Variants in CNTNAP2 observed in about 807,000 individuals in gnomAD.
The protein encoded by CNTNAP2 is contactin associated protein 2.
In CNTNAP2, 98 loss-of-function variants were observed where a neutral mutation model predicts 155.2. The ratio of observed to expected loss-of-function variants is 0.63; its 90% CI spans 0.54 to 0.75. The LOEUF is 0.75. Among genes scored for constraint, CNTNAP2 ranks in the 30% least tolerant of loss-of-function variants. The pLI, the probability that CNTNAP2 is intolerant of heterozygous loss-of-function variation, is 0.00. For synonymous variants in CNTNAP2, 651 were observed against 631.2 expected, an observed-to-expected ratio of 1.03 and a Z score of -0.47; for missense variants, 1,727 against 1,688.1, an observed-to-expected ratio of 1.02 and a Z score of -0.40.
In CNTNAP2 at chr7:147,272,664, A is replaced by ATT. The variant is rs71182188; in HGVS notation, c.1349-27462_1349-27461dup. Among the ~76,000 whole-genome samples, 9 of 138,976 alleles carry ATT rather than the reference A, an allele frequency of 6.5e-5. No individual in the cohort carries two copies. The South Asian group carries it at 9.2e-4, about 14-fold the overall frequency. 91.2% of individuals were successfully genotyped at this position (138,976 alleles called of 152,430 possible). On this transcript the variant is annotated intron_variant, in intron 8 of 23. Transcript: ENST00000361727. ...CAGGCGCCGCCACCACGCCCGGCTA[A>ATT]TTTTTTTTTTTTTTTTGTATTTGTA...
intron 19 of CNTNAP2, among the ~76,000 whole-genome samples, chr7:148,226,925 A>G (rs1412093578): frequency 6.6e-6 from 1 of 152,172 alleles, no homozygotes; most frequent in African/African-American, 2.4e-5. Context: ...AACTTGCCGC[A>G]GTCTCTCCCT....
At chr7:147,307,596 C>G (rs905192526) in intron 9 of CNTNAP2, among the ~76,000 whole-genome samples, 1 of 151,688 alleles carries the variant, frequency 6.6e-6, no homozygotes, top group Non-Finnish European at 1.5e-5. Context: ...ACCTGCCCCC[C>G]CAAAAAAGGA....
At chr7:147,319,983 AG>A (rs1795317917) in intron 9 of CNTNAP2, among the ~76,000 whole-genome samples, 1 of 152,170 alleles carries the variant, frequency 6.6e-6, no homozygotes, top group African/African-American at 2.4e-5. Flanking sequence ...TTTGTAGCAG[AG>A]AAACAGCCAT....
chr7:148,101,523 C>G (rs771858211), intron 15 of CNTNAP2, among the ~76,000 whole-genome samples: 2 of 152,106 alleles, frequency 1.3e-5, no homozygotes, highest in Non-Finnish European at 2.9e-5. Flanking sequence ...AGGTAAATGT[C>G]CTTCTGTTCT....
chr7:146,861,521 G>A (rs1795100574), intron 3 of CNTNAP2, among the ~76,000 whole-genome samples: 1 of 152,028 alleles, frequency 6.6e-6, no homozygotes, highest in Non-Finnish European at 1.5e-5. Flanking sequence ...CTATTAATCT[G>A]ACACTTAGAG....
chr7:148,104,637 G>A (rs959340680), intron 15 of CNTNAP2, among the ~76,000 whole-genome samples: 2 of 152,180 alleles, frequency 1.3e-5, no homozygotes, highest in Admixed American at 1.3e-4. Flanking sequence ...TATATGAAGA[G>A]AGATGGAGGT....
intron 3 of CNTNAP2, among the ~76,000 whole-genome samples, chr7:147,014,533 G>A (rs959859511): frequency 7.9e-5 from 12 of 151,994 alleles, no homozygotes; most frequent in African/African-American, 2.9e-4. Flanking sequence ...AACATAGCAT[G>A]GATTTAAAAA....
At position 147,068,435 on chromosome 7, in the gene CNTNAP2, G is replaced by A. The variant is rs139698537; in HGVS notation, c.550+24381G>A. On this transcript the variant is annotated intron_variant, in intron 4 of 23. Coordinates refer to ENST00000361727, the MANE Select transcript of CNTNAP2 (RefSeq NM_014141.6). ...TGCAGTGACTCAATCTCAGCTCACTGCAACCTCCGCCTCCCAGGTTCAAGC... is the reference window on the plus strand; with the variant it reads ...TGCAGTGACTCAATCTCAGCTCACTACAACCTCCGCCTCCCAGGTTCAAGC... 5.9e-3 allele frequency among the ~76,000 whole-genome samples: 902 copies of A among 152,268 alleles called. 5 individuals are homozygous for A. Among genetic ancestry groups the A allele is most frequent in the Middle Eastern group, 0.014 (4 of 294 alleles).
At chr7:148,252,211 C>A (rs545780710) in intron 20 of CNTNAP2, among the ~76,000 whole-genome samples, 2 of 152,326 alleles carry the variant, frequency 1.3e-5, no homozygotes, top group South Asian at 4.1e-4. Context: ...CAGATCTTTT[C>A]ATCCCTTAAT....
intron 1 of CNTNAP2, among the ~76,000 whole-genome samples, chr7:146,308,728 C>G (rs973072169): frequency 1.3e-5 from 2 of 151,954 alleles, no homozygotes; most frequent in African/African-American, 4.8e-5. Context: ...ATTGCAAGGA[C>G]AGAAAACCAA....
At chr7:148,371,874 A>C (rs1266982287) in intron 21 of CNTNAP2, among the ~76,000 whole-genome samples, 1 of 152,170 alleles carries the variant, frequency 6.6e-6, no homozygotes, top group Non-Finnish European at 1.5e-5. Flanking sequence ...TGTTCACTAA[A>C]CATAGACAAA....
chr7:146,545,195 A>G (rs1396999136), intron 1 of CNTNAP2, among the ~76,000 whole-genome samples: 1 of 151,930 alleles, frequency 6.6e-6, no homozygotes, highest in African/African-American at 2.4e-5. Flanking sequence ...CATTTTATTC[A>G]GTGTAATTTT....
At chr7:147,093,871 A>G (rs1202984026) in intron 4 of CNTNAP2, among the ~76,000 whole-genome samples, 1 of 152,208 alleles carries the variant, frequency 6.6e-6, no homozygotes, top group Non-Finnish European at 1.5e-5. Context: ...GGACACACAT[A>G]GAATAGACAT....
At chr7:147,751,359 A>C (rs1225814000) in intron 13 of CNTNAP2, among the ~76,000 whole-genome samples, 1 of 150,124 alleles carries the variant, frequency 6.7e-6, no homozygotes, top group Non-Finnish European at 1.5e-5. Flanking sequence ...TGGAGGAATT[A>C]GGTGGTTGAC....
At chr7:146,829,901 A>G (rs934873643) in intron 2 of CNTNAP2, among the ~76,000 whole-genome samples, 8 of 151,942 alleles carry the variant, frequency 5.3e-5, no homozygotes, top group African/African-American at 1.7e-4. Flanking sequence ...ACCTTGTCCT[A>G]TGTTTTATAG....
rs71529508 is a variant in CNTNAP2, at chr7:148,277,588, CG to C, written c.3475+10463del. Among the ~76,000 whole-genome samples, 692 of 141,206 alleles carry C rather than the reference CG, an allele frequency of 4.9e-3. 9 individuals carry two copies. Among genetic ancestry groups the C allele is most frequent in the African/African-American group, 0.015 (568 of 38,460 alleles). The allele number at this position is 141,206 out of a possible 152,430, so 92.6% of individuals were successfully genotyped here. On this transcript the variant is annotated intron_variant, in intron 21 of 23. Transcript: ENST00000361727. ...TGGCTGCCCCATGTTAGTACAGGAC[CG>C]CCCCCCACCACCACCGACCCCCTAC...
At position 146,596,595 on chromosome 7, in the gene CNTNAP2, C is replaced by CAGAGAGAGAGAGAGAGAGAG. The variant is rs368697909; in HGVS notation, c.98-177650_98-177631dup. On this transcript the variant is annotated intron_variant, in intron 1 of 23. Coordinates refer to ENST00000361727, the MANE Select transcript of CNTNAP2 (RefSeq NM_014141.6). ...AAGAAAGAGAGAGATAGAAGGGAGA[C>CAGAGAGAGAGAGAGAGAGAG]AGAGAGAGAGAGAGAGAGAGAGAGA... Among the ~76,000 whole-genome samples the CAGAGAGAGAGAGAGAGAGAG allele has an allele frequency of 1.4e-4, 15 of 105,076 alleles. 1 individual carries two copies. Among genetic ancestry groups the CAGAGAGAGAGAGAGAGAGAG allele is most frequent in the Non-Finnish European group, 2.4e-4 (12 of 50,936 alleles). 68.9% of individuals were successfully genotyped at this position (105,076 alleles called of 152,430 possible).
intron 8 of CNTNAP2, among the ~76,000 whole-genome samples, chr7:147,275,570 G>C (rs1049268070): frequency 5.9e-5 from 9 of 151,864 alleles, no homozygotes; most frequent in African/African-American, 1.9e-4. Context: ...CAAGGCTAGG[G>C]ATCTTTTGAA....
rs972698551 is a variant in CNTNAP2, at chr7:146,338,769, A to G, written c.97+221796A>G. ...TTCTTTTTAAGAATATAGAGTCTTTAATGTGGTCAGAATTAAGTTGCTATC... is the reference window on the plus strand; with the variant it reads ...TTCTTTTTAAGAATATAGAGTCTTTGATGTGGTCAGAATTAAGTTGCTATC... On this transcript the variant is annotated intron_variant, in intron 1 of 23. Transcript: ENST00000361727. 8.5e-5 allele frequency among the ~76,000 whole-genome samples: 13 copies of G among 152,154 alleles called. 1 individual carries two copies. In the South Asian group the frequency reaches 1.7e-3, roughly 19 times the overall value.
Sources: allele counts gnomAD v4.1 joint callset (sites outside exome capture counted in the v4.1 genomes callset), GRCh38; gene constraint gnomAD v4.1.1; transcripts MANE v1.5; gene names NCBI Gene and HGNC (gene_info 2026-07-23, HGNC 2026-07-21).